The following ABLIM1 variants were observed in gnomAD, a reference collection of about 807,000 sequenced individuals.
The protein encoded by ABLIM1 is actin binding LIM protein 1.
ABLIM1 carries 40 observed loss-of-function variants against 107.0 expected under a neutral mutation model. That is an observed-to-expected ratio of 0.37 (90% CI 0.29 to 0.49). The LOEUF is 0.49. Ranked by LOEUF, ABLIM1 falls within the 20% of genes least tolerant of loss-of-function variation. ABLIM1 has a pLI of 0.97. For synonymous variants in ABLIM1, 357 were observed against 357.3 expected (o/e 1.00, Z 0.01); for missense variants, 857 against 1,008.5 (o/e 0.85, Z 2.04).
intron 6 of ABLIM1, chr10:114,501,993 T>C (rs1016814132): frequency 2.6e-5 from 4 of 152,256 alleles, no homozygotes; most frequent in African/African-American, 9.7e-5. Flanking sequence ...CACCTATTCA[T>C]CCCTCAGTAT....
intron 1 of ABLIM1, among the ~76,000 whole-genome samples, chr10:114,755,265 ATCT>A (rs1308865041): frequency 6.6e-6 from 1 of 152,174 alleles, no homozygotes; most frequent in African/African-American, 2.4e-5. Flanking sequence ...ATGCCTGATG[ATCT>A]TCTGAGGCGG....
In ABLIM1 at chr10:114,433,204, A is replaced by G. The variant is rs774554281; in HGVS notation, c.*3056T>C. On this transcript the variant is annotated 3_prime_UTR_variant, in exon 23 of 23. Transcript: ENST00000533213. ...GCTCCACCAGTTTGAGTGTGTTAATAACTGGAATTTTCATGTATAGTACAG... is the reference window on the plus strand; with the variant it reads ...GCTCCACCAGTTTGAGTGTGTTAATGACTGGAATTTTCATGTATAGTACAG... 1 of 152,200 alleles carries G rather than the reference A, an allele frequency of 6.6e-6. No homozygotes were observed. Among genetic ancestry groups the G allele is most frequent in the Non-Finnish European group, 1.5e-5 (1 of 68,034 alleles). The allele number at this position is 152,200 out of a possible 1,614,324, so 9.4% of individuals were successfully genotyped here. A position where few individuals can be genotyped will look rare whatever the true frequency, so the allele number is the denominator to read the frequency against.
the ABLIM1 span, among the ~76,000 whole-genome samples, chr10:114,799,506 T>G: frequency 6.7e-4 from 102 of 152,306 alleles, no homozygotes; most frequent in African/African-American, 2.2e-3. Flanking sequence ...ATCCACTCCT[T>G]ACCAGTATTT....
At chr10:114,631,953 G>A (rs1003803377) in intron 1 of ABLIM1, 5 of 1,303,936 alleles carry the variant, frequency 3.8e-6, no homozygotes, top group Admixed American at 2.3e-5. Flanking sequence ...GACTGAAGAA[G>A]GAACGAGGAA....
intron 20 of ABLIM1, chr10:114,439,535 C>G (rs1246325364): frequency 2.0e-6 from 1 of 507,612 alleles, no homozygotes; most frequent in Non-Finnish European, 3.5e-6. Context: ...AAAAGATGCC[C>G]AAGTCTATTA....
rs527318759 is a variant in ABLIM1 at position 114,572,859 on chromosome 10, C to T, written c.564-1453G>A. Among the ~76,000 whole-genome samples, 8 of 152,296 alleles carry T rather than the reference C, an allele frequency of 5.3e-5. No individual in the cohort carries two copies. In the South Asian group the frequency reaches 6.2e-4, roughly 12 times the overall value. On this transcript the variant is annotated intron_variant, in intron 3 of 22. Coordinates refer to ENST00000533213, the MANE Select transcript of ABLIM1 (RefSeq NM_002313.7). ...AGGCCAGGAGTGGACCCAGACACAG[C>T]GTTTAAAGAGGCACTCGTGCTCCGT...
chr10:114,497,102 C>G (rs1347346389), intron 6 of ABLIM1, among the ~76,000 whole-genome samples: 1 of 152,156 alleles, frequency 6.6e-6, no homozygotes, highest in Non-Finnish European at 1.5e-5. Context: ...AGATCATGAG[C>G]AAAATGAAAG....
chr10:114,481,636 A>C (rs2134388078), intron 8 of ABLIM1, among the ~76,000 whole-genome samples: 1 of 152,322 alleles, frequency 6.6e-6, no homozygotes, highest in South Asian at 2.1e-4. Flanking sequence ...TTTGGAGAGG[A>C]GGCAGGAGGG....
At chr10:114,753,044 A>G (rs1268390553) in intron 1 of ABLIM1, among the ~76,000 whole-genome samples, 3 of 152,238 alleles carry the variant, frequency 2.0e-5, no homozygotes, top group Admixed American at 1.3e-4. Context: ...CTCGCTGTCC[A>G]TCATTCTGGA....
the ABLIM1 span, among the ~76,000 whole-genome samples, chr10:114,787,609 C>T: frequency 6.8e-6 from 1 of 146,646 alleles, no homozygotes; most frequent in Non-Finnish European, 1.5e-5. Flanking sequence ...CGGCCAGCCG[C>T]CCCGTCCGGG....
chr10:114,468,076 T>C, intron 11 of ABLIM1, 105 bp downstream of exon 11: 1 of 1,057,014 alleles, frequency 9.5e-7, no homozygotes. Context: ...GCAGTTTTTC[T>C]GTTCTTTTGT....
At chr10:114,469,287 A>T (rs1181515638) in intron 10 of ABLIM1, among the ~76,000 whole-genome samples, 1 of 152,158 alleles carries the variant, frequency 6.6e-6, no homozygotes, top group African/African-American at 2.4e-5. Context: ...GACTTTGGTG[A>T]CCAGGCATGG....
At chr10:114,465,942 T>C in intron 11 of ABLIM1, 115 bp from the exon 12 acceptor site, 1 of 1,207,986 alleles carries the variant, frequency 8.3e-7, no homozygotes. Flanking sequence ...TTGATTAATA[T>C]ATGCACTTAT....
chr10:114,657,437 G>A (rs889091390), intron 1 of ABLIM1, among the ~76,000 whole-genome samples: 1 of 152,108 alleles, frequency 6.6e-6, no homozygotes, highest in African/African-American at 2.4e-5. Flanking sequence ...ACGTTTTAAT[G>A]AGCTTCACTG....
chr10:114,542,758 C>A (rs548003031), intron 6 of ABLIM1, among the ~76,000 whole-genome samples: 5 of 152,284 alleles, frequency 3.3e-5, no homozygotes, highest in South Asian at 2.1e-4. Context: ...CTGAGAAGAG[C>A]TCTCTGGGGA....
chr10:114,531,614 T>C (rs2065457424), intron 6 of ABLIM1, among the ~76,000 whole-genome samples: 1 of 152,202 alleles, frequency 6.6e-6, no homozygotes, highest in Non-Finnish European at 1.5e-5. Flanking sequence ...AACTCCCTGG[T>C]TCAAGTGATT....
chr10:114,606,836 A>G (rs1399479120), intron 1 of ABLIM1, among the ~76,000 whole-genome samples: 1 of 152,230 alleles, frequency 6.6e-6, no homozygotes, highest in Admixed American at 6.5e-5. Flanking sequence ...CGCAGCCAAG[A>G]AATAAAGAGT....
chr10:114,587,584 T>C (rs1032691838), intron 2 of ABLIM1, among the ~76,000 whole-genome samples: 3 of 152,182 alleles, frequency 2.0e-5, no homozygotes, highest in African/African-American at 7.2e-5. Flanking sequence ...TCAAGAACAA[T>C]AGGAGCATCA....
intron 1 of ABLIM1, among the ~76,000 whole-genome samples, chr10:114,602,741 A>G (rs2497665): frequency 0.95 from 144,504 of 152,308 alleles, 68,558 homozygotes; most frequent in East Asian, 1. Flanking sequence ...TTCAGACCTT[A>G]ACATCACATG....
Sources: gnomAD v4.1 joint callset for allele counts (sites outside exome capture counted in the v4.1 genomes callset) on GRCh38, gnomAD v4.1.1 for gene constraint, MANE v1.5 for transcripts, NCBI Gene and HGNC (gene_info 2026-07-23, HGNC 2026-07-21) for gene names.